Variants in EHHADH observed in about 807,000 individuals in gnomAD.
EHHADH encodes the protein peroxisomal bifunctional enzyme.
In EHHADH, 48 loss-of-function variants were observed where a neutral mutation model predicts 64.4. The observed-to-expected ratio is 0.75, with a 90% CI of 0.59 to 0.95. The LOEUF (loss-of-function observed/expected upper bound fraction) is 0.95. Among genes scored for constraint, EHHADH ranks in the 40% least tolerant of loss-of-function variants. EHHADH has a pLI of 0.00. For missense variants in EHHADH, 854 were observed against 876.6 expected, an observed-to-expected ratio of 0.97 and a Z score of 0.33; for synonymous variants, 308 against 326.7, an observed-to-expected ratio of 0.94 and a Z score of 0.62.
chr3:185,192,634 C>G lies in EHHADH; in HGVS notation c.1764G>C (p.Arg588Ser). ...GWYQYDKPLG[R>S]IHKPDPWLSK... is the part of the protein sequence containing the mutation. The stretch of plus-strand genomic sequence containing the variant: ...AAAGCCAGGGATCAGGTTTGTGAAT[C>G]CTACCCAATGGCTTGTCATATTGAT... The change falls in exon 7 of 7, where the codon AGG becomes AGC. Residue 588 changes from arginine to serine, a missense_variant. Physicochemically the swap from Arg to Ser is moderately radical, Grantham distance 110 (BLOSUM62 -1). Transcript: ENST00000231887. The G allele has an allele frequency of 1.2e-6, 2 of 1,614,172 alleles. No individual in the cohort carries two copies. The highest frequency in any genetic ancestry group is 1.7e-6 in the Non-Finnish European group (2 of 1,180,040).
intron 5 of EHHADH, among the ~76,000 whole-genome samples, chr3:185,206,099 T>C (rs759267129): frequency 9.2e-5 from 14 of 152,106 alleles, no homozygotes; most frequent in Non-Finnish European, 1.5e-4. Flanking sequence ...ATTGGAAAGA[T>C]TCTAGTCCCC....
intron 1 of EHHADH, 81 bp downstream of exon 1, chr3:185,253,868 G>A: frequency 6.4e-7 from 1 of 1,574,552 alleles, no homozygotes. Flanking sequence ...TTAAACCGAC[G>A]GGGGAGAGTC....
chr3:185,218,691 C>G (rs951950410), intron 4 of EHHADH, among the ~76,000 whole-genome samples: 12 of 151,824 alleles, frequency 7.9e-5, no homozygotes, highest in Non-Finnish European at 8.8e-5. Flanking sequence ...ATAGTATCTA[C>G]CTTATCCCTA....
At chr3:185,240,088 A>G (rs1230903527) in intron 2 of EHHADH, among the ~76,000 whole-genome samples, 1 of 151,902 alleles carries the variant, frequency 6.6e-6, no homozygotes, top group Admixed American at 6.6e-5. Context: ...TTACTGAAGC[A>G]TCCTAGAAAC....
At chr3:185,199,851 C>A (rs552810078) in intron 6 of EHHADH, among the ~76,000 whole-genome samples, 1 of 152,154 alleles carries the variant, frequency 6.6e-6, no homozygotes, top group South Asian at 2.1e-4. Context: ...GCTCAAGTGA[C>A]CTTCCTGCCT....
chr3:185,251,695 A>C (rs1243529183), intron 1 of EHHADH, among the ~76,000 whole-genome samples: 1 of 152,068 alleles, frequency 6.6e-6, no homozygotes, highest in African/African-American at 2.4e-5. Flanking sequence ...TTCCCATATA[A>C]AATTAGAAAT....
intron 1 of EHHADH, 62 bp from the exon 2 acceptor site, chr3:185,248,579 G>A (rs1464412830): frequency 5.5e-6 from 7 of 1,267,320 alleles, no homozygotes; most frequent in Non-Finnish European, 1.1e-6. Context: ...CATTCAGAGT[G>A]TTTTCCTTTC....
At chr3:185,228,257 A>AAAAAAACATATAT (rs1367786172) in intron 4 of EHHADH, among the ~76,000 whole-genome samples, 1 of 21,994 alleles carries the variant, frequency 4.5e-5, no homozygotes, top group East Asian at 7.8e-4. Flanking sequence ...AAAAAAAAAA[A>AAAAAAACATATAT]ATATATATAT....
In EHHADH at chr3:185,193,230, T is replaced by A. The variant is rs1577351379; in HGVS notation, c.1168A>T (p.Lys390Ter). 4 of 1,605,218 alleles carry A rather than the reference T, an allele frequency of 2.5e-6. No individual in the cohort carries two copies. Among genetic ancestry groups the A allele is most frequent in the East Asian group, 4.5e-5 (2 of 44,850 alleles). ...GCTGAGAGTTCAGCAAAGACCTGCT[T>A]CTTCAGGCTCATTTCCTCAAATACT... ...EAVFEEMSLK[K>*]QVFAELSAVC... The change falls in exon 7 of 7, where the codon AAG becomes TAG. Residue 390 changes from lysine to a stop codon, truncating the protein, a stop_gained. Coordinates refer to ENST00000231887, the MANE Select transcript of EHHADH (RefSeq NM_001966.4). LOFTEE classifies it high-confidence loss of function.
intron 2 of EHHADH, 169 bp downstream of exon 2, chr3:185,248,245 C>A (rs1179657605): frequency 3.3e-6 from 2 of 610,136 alleles, no homozygotes; most frequent in Non-Finnish European, 2.9e-6. Context: ...TTCTCTGGGT[C>A]TCTCTTGTAA....
At chr3:185,199,382 G>A (rs991205610) in intron 6 of EHHADH, among the ~76,000 whole-genome samples, 10 of 152,108 alleles carry the variant, frequency 6.6e-5, no homozygotes, top group African/African-American at 1.4e-4. Flanking sequence ...AATGAAATAC[G>A]ATGGTGGTGA....
chr3:185,204,707 G>T lies in EHHADH; in HGVS notation c.619C>A (p.Pro207Thr). 6.2e-7 allele frequency: 1 copy of T among 1,613,990 alleles called. No homozygotes were observed. The highest frequency in any genetic ancestry group is 8.5e-7 in the Non-Finnish European group (1 of 1,179,880). ...RLCNKPIQSL[P>T]NMDSIFSEAL... ...TCACTAAAAATGCTGTCCATGTTGG[G>T]CAAGCTCTGAATTGGCTTGTTGCAG... Residue 207 changes from proline (P) to threonine (T), a missense_variant, in exon 6 of 7, where the codon CCC becomes ACC. Physicochemically the swap from Pro to Thr is conservative, Grantham distance 38. Coordinates refer to ENST00000231887, the MANE Select transcript of EHHADH (RefSeq NM_001966.4).
intron 3 of EHHADH, among the ~76,000 whole-genome samples, chr3:185,233,440 G>A (rs534035901): frequency 2.6e-5 from 4 of 152,072 alleles, no homozygotes; most frequent in Admixed American, 1.3e-4. Context: ...TGGAGGAATT[G>A]AACAAAAAAA....
At chr3:185,226,557 G>T (rs1422920926) in intron 4 of EHHADH, among the ~76,000 whole-genome samples, 1 of 151,256 alleles carries the variant, frequency 6.6e-6, no homozygotes, top group Non-Finnish European at 1.5e-5. Context: ...GCTGAGGCAG[G>T]AGAATCACTT....
intron 2 of EHHADH, among the ~76,000 whole-genome samples, chr3:185,243,185 C>T (rs982029101): frequency 8.5e-5 from 13 of 152,330 alleles, no homozygotes; most frequent in Admixed American, 2.6e-4. Flanking sequence ...CTCCCATTTC[C>T]GCAGTTTGGG....
chr3:185,194,112 C>G (rs1281035139), intron 6 of EHHADH, among the ~76,000 whole-genome samples: 1 of 152,082 alleles, frequency 6.6e-6, no homozygotes, highest in South Asian at 2.1e-4. Context: ...TCCAGAAGAG[C>G]CAAAACAATA....
intron 6 of EHHADH, among the ~76,000 whole-genome samples, chr3:185,199,092 C>CA (rs1443045594): frequency 7.3e-5 from 11 of 151,500 alleles, no homozygotes; most frequent in African/African-American, 2.7e-4. Flanking sequence ...TTGGATGAAT[C>CA]AAAAAAAGCT....
At chr3:185,230,387 G>A (rs1719120110) in intron 3 of EHHADH, among the ~76,000 whole-genome samples, 1 of 152,132 alleles carries the variant, frequency 6.6e-6, no homozygotes, top group South Asian at 2.1e-4. Context: ...TGGCACCATG[G>A]TTCATAAAAG....
intron 2 of EHHADH, among the ~76,000 whole-genome samples, chr3:185,247,792 AT>A (rs1719634895): frequency 1.3e-5 from 2 of 152,198 alleles, no homozygotes; most frequent in Non-Finnish European, 1.5e-5. Flanking sequence ...AAGACGCCAT[AT>A]ATGCCATTGA....
Sources: allele counts gnomAD v4.1 joint callset (sites outside exome capture counted in the v4.1 genomes callset), GRCh38; gene constraint gnomAD v4.1.1; transcripts MANE v1.5; gene names NCBI Gene and HGNC (gene_info 2026-07-23, HGNC 2026-07-21).